Variants in UTRN observed in about 807,000 individuals in gnomAD.
UTRN encodes dystrophin-related protein 1.
UTRN carries 283 observed loss-of-function variants against 463.9 expected under a neutral mutation model. That is an observed-to-expected ratio of 0.61 (90% CI 0.55 to 0.67). The LOEUF is 0.67. UTRN is among the 30% of genes least tolerant of loss of function. The probability of loss-of-function intolerance (pLI) is 0.00; values close to 1 mark genes in which losing one functional copy is unlikely to be tolerated. For missense variants in UTRN, 3,922 were observed against 4,084.3 expected (o/e 0.96, Z 1.08); for synonymous variants, 1,442 against 1,431.5 (o/e 1.01, Z -0.17).
At chr6:144,465,681 T>C (rs761962038) in intron 23 of UTRN, among the ~76,000 whole-genome samples, 1 of 152,178 alleles carries the variant, frequency 6.6e-6, no homozygotes. Flanking sequence ...TAACTACTCA[T>C]GATTTACTTG....
chr6:144,537,761 A>G, intron 44 of UTRN, 44 bp downstream of exon 44: 1 of 1,591,334 alleles, frequency 6.3e-7, no homozygotes, highest in East Asian at 2.4e-5. Flanking sequence ...GTGCCCGAAC[A>G]TTATACTTCA....
intron 2 of UTRN, among the ~76,000 whole-genome samples, chr6:144,355,613 A>G (rs2114670174): frequency 6.6e-6 from 1 of 152,224 alleles, no homozygotes; most frequent in African/African-American, 2.4e-5. Context: ...TATCTTTATT[A>G]TTTATATTTT....
chr6:144,453,601 G>A (rs1788538975), intron 18 of UTRN, among the ~76,000 whole-genome samples, 181 bp from the exon 19 acceptor site: 1 of 152,140 alleles, frequency 6.6e-6, no homozygotes, highest in Non-Finnish European at 1.5e-5. Context: ...TTATAATTAT[G>A]AGGTACATTT....
intron 53 of UTRN, among the ~76,000 whole-genome samples, chr6:144,703,982 G>A (rs922759722): frequency 1.3e-5 from 2 of 152,164 alleles, no homozygotes; most frequent in African/African-American, 4.8e-5. Context: ...GAATGATTCT[G>A]TGAAGTGGGA....
At chr6:144,817,614 A>G (rs948821881) in intron 65 of UTRN, among the ~76,000 whole-genome samples, 1 of 152,120 alleles carries the variant, frequency 6.6e-6, no homozygotes, top group African/African-American at 2.4e-5. Context: ...AAATTGGACC[A>G]AGTATATATA....
chr6:144,320,113 A>G (rs1362072559), intron 2 of UTRN, among the ~76,000 whole-genome samples: 3 of 152,150 alleles, frequency 2.0e-5, no homozygotes, highest in Non-Finnish European at 4.4e-5. Context: ...CCGCCTCCCA[A>G]AGTGCTGGGA....
rs1034780063 is a variant in UTRN at position 144,288,195 on chromosome 6, C to A, written c.-93+2374C>A. ...CCATTTTCCTCTGTACTCTGATCAC[C>A]TTTTCTGCTGTATCTTTGCAACCTG... On this transcript the variant is annotated intron_variant, in intron 1 of 74. Transcript: ENST00000367545. Among the ~76,000 whole-genome samples, 32 of 152,292 alleles carry A rather than the reference C, an allele frequency of 2.1e-4. 1 individual carries two copies. Among genetic ancestry groups the A allele is most frequent in the African/African-American group, 6.7e-4 (28 of 41,552 alleles).
intron 24 of UTRN, among the ~76,000 whole-genome samples, 194 bp downstream of exon 24, chr6:144,474,027 G>A (rs942512763): frequency 5.9e-5 from 9 of 151,994 alleles, no homozygotes; most frequent in African/African-American, 1.7e-4. Flanking sequence ...ATTTCTGGAC[G>A]TGGTTATAGA....
intron 65 of UTRN, among the ~76,000 whole-genome samples, chr6:144,816,424 C>G (rs556543931): frequency 6.6e-6 from 1 of 151,954 alleles, no homozygotes; most frequent in Admixed American, 6.6e-5. Context: ...AGCGGCTTCT[C>G]GAATGTGCAG....
intron 22 of UTRN, 71 bp from the exon 23 acceptor site, chr6:144,462,579 TTATA>T (rs2128561962): frequency 1.5e-6 from 2 of 1,372,154 alleles, no homozygotes; most frequent in Admixed American, 2.9e-5. Flanking sequence ...ACTTTTGACT[TTATA>T]TAGCCCATTT....
intron 23 of UTRN, among the ~76,000 whole-genome samples, chr6:144,468,935 C>G (rs1193229101): frequency 6.6e-6 from 1 of 152,134 alleles, no homozygotes; most frequent in Non-Finnish European, 1.5e-5. Context: ...TCTGCCTTCA[C>G]CCATACAGGT....
At chr6:144,413,183 C>A (rs6929631) in intron 3 of UTRN, among the ~76,000 whole-genome samples, 1 of 152,062 alleles carries the variant, frequency 6.6e-6, no homozygotes, top group African/African-American at 2.4e-5. Context: ...GGATGTTTTA[C>A]TCATTGATGG....
At chr6:144,462,157 G>A (rs1053070361) in intron 22 of UTRN, among the ~76,000 whole-genome samples, 4 of 151,994 alleles carry the variant, frequency 2.6e-5, no homozygotes, top group African/African-American at 7.3e-5. Context: ...GAGAATATGC[G>A]GTATTTTTTT....
chr6:144,720,058 G>A (rs185170350), intron 53 of UTRN, among the ~76,000 whole-genome samples: 117 of 152,306 alleles, frequency 7.7e-4, no homozygotes, highest in African/African-American at 2.7e-3. Context: ...GGAGAGAAGG[G>A]TTTAGCAGGG....
intron 2 of UTRN, among the ~76,000 whole-genome samples, chr6:144,362,347 T>C (rs1041531238): frequency 6.6e-6 from 1 of 152,222 alleles, no homozygotes; most frequent in Non-Finnish European, 1.5e-5. Context: ...TTGTTCATTG[T>C]ACCCTTTTCA....
chr6:144,384,146 G>A (rs755224413), intron 2 of UTRN, among the ~76,000 whole-genome samples: 2 of 151,866 alleles, frequency 1.3e-5, no homozygotes, highest in Admixed American at 6.6e-5. Context: ...CACTACCATC[G>A]TTCTCCTGAA....
intron 50 of UTRN, among the ~76,000 whole-genome samples, chr6:144,569,192 A>T (rs1800703656): frequency 6.6e-6 from 1 of 151,988 alleles, no homozygotes; most frequent in South Asian, 2.1e-4. Context: ...TTTTATATAA[A>T]TTATATTAAT....
intron 73 of UTRN, among the ~76,000 whole-genome samples, chr6:144,845,898 G>A (rs923544047): frequency 6.6e-6 from 1 of 151,960 alleles, no homozygotes; most frequent in African/African-American, 2.4e-5. Context: ...ATAGCTCCCA[G>A]CACACAGCAC....
At chr6:144,658,027 C>G (rs1213979812) in intron 51 of UTRN, among the ~76,000 whole-genome samples, 1 of 152,158 alleles carries the variant, frequency 6.6e-6, no homozygotes, top group African/African-American at 2.4e-5. Context: ...CCTGTGGCCA[C>G]TTTCTCTGTA....
Sources: allele counts gnomAD v4.1 joint callset (sites outside exome capture counted in the v4.1 genomes callset), GRCh38; gene constraint gnomAD v4.1.1; transcripts MANE v1.5; gene names NCBI Gene and HGNC (gene_info 2026-07-23, HGNC 2026-07-21).